The following USP47 variants were observed in gnomAD, a reference collection of about 807,000 sequenced individuals.
USP47 encodes ubiquitin carboxyl-terminal hydrolase 47.
A neutral mutation model predicts 165.1 loss-of-function variants in USP47; 35 were observed. The observed-to-expected ratio is 0.21, with a 90% CI of 0.16 to 0.28. The LOEUF (loss-of-function observed/expected upper bound fraction) is 0.28. Ranked by LOEUF, USP47 falls within the 10% of genes least tolerant of loss-of-function variation. The pLI is 1.00. For synonymous variants in USP47, 531 were observed against 544.5 expected, an observed-to-expected ratio of 0.98 and a Z score of 0.35; for missense variants, 1,277 against 1,607.4, an observed-to-expected ratio of 0.79 and a Z score of 3.52.
chr11:11,906,212 G>A (rs1390227668), intron 8 of USP47, among the ~76,000 whole-genome samples: 3 of 151,542 alleles, frequency 2.0e-5, no homozygotes, highest in Non-Finnish European at 4.4e-5. Context: ...TTACTTATAC[G>A]ACAGGAAAAT....
intron 3 of USP47, among the ~76,000 whole-genome samples, chr11:11,888,902 C>T (rs1004144645): frequency 8.5e-5 from 13 of 152,146 alleles, no homozygotes; most frequent in African/African-American, 3.1e-4. Context: ...TCAACATATG[C>T]GAATCAATAA....
intron 1 of USP47, among the ~76,000 whole-genome samples, chr11:11,876,951 C>T (rs1164570267): frequency 6.6e-6 from 1 of 152,070 alleles, no homozygotes; most frequent in Non-Finnish European, 1.5e-5. Flanking sequence ...TATCTTTAAT[C>T]CACCTCAAGA....
intron 15 of USP47, among the ~76,000 whole-genome samples, 187 bp downstream of exon 15, chr11:11,933,303 T>C (rs1854813662): frequency 6.6e-6 from 1 of 152,130 alleles, no homozygotes; most frequent in African/African-American, 2.4e-5. Flanking sequence ...CCCAGTAACA[T>C]GTAGTGACGG....
intron 1 of USP47, among the ~76,000 whole-genome samples, chr11:11,870,097 TTTAC>T (rs1009528638): frequency 6.6e-5 from 10 of 152,068 alleles, no homozygotes; most frequent in African/African-American, 2.4e-4. Context: ...TCTGTTATCT[TTTAC>T]TTGTTTTCCT....
Position 11,942,659 on chromosome 11 carries a change from A to C in USP47, c.2638A>C (p.Thr880Pro). The C allele has an allele frequency of 6.2e-7, 1 of 1,613,564 alleles. No homozygotes were observed. The highest frequency in any genetic ancestry group is 1.3e-5 in the African/African-American group (1 of 75,030). ...AGATAATGGGGACAGCAGCAAAAGT[A>C]CTGAGACAAGTGACTTTGAAAACAT... ...DGDNGDSSKS[T>P]ETSDFENIES... Residue 880 changes from threonine to proline, a missense_variant, in exon 20 of 28, where the codon ACT (threonine) becomes CCT (proline). By Grantham distance (38) the Thr-to-Pro change is conservative. Around this residue, in one of 4 missense-constraint regions of USP47, gnomAD observed 909 missense variants for 1,068.1 expected, o/e 0.85. Transcript: ENST00000527733.
chr11:11,853,080 A>G (rs1271423835), intron 1 of USP47, among the ~76,000 whole-genome samples: 4 of 151,908 alleles, frequency 2.6e-5, no homozygotes, highest in Non-Finnish European at 5.9e-5. Flanking sequence ...TTTGTCTTTT[A>G]GTGCCCAGAT....
At chr11:11,948,455 A>G (rs190684607) in intron 21 of USP47, 23 bp from the exon 22 acceptor site, 1 of 1,585,594 alleles carries the variant, frequency 6.3e-7, no homozygotes, top group Non-Finnish European at 8.7e-7. Flanking sequence ...CAGCATGTCT[A>G]AAAAAATGTT....
At position 11,841,989 on chromosome 11, in the gene USP47, TAGC is replaced by T; in HGVS notation, c.-196_-194del. On this transcript the variant is annotated 5_prime_UTR_variant, in exon 1 of 28. Transcript: ENST00000527733. ...GGGCCGACGACGAAGGCGGCTGTGG[TAGC>T]GGCGGCGGCGGCGGCGGAGCCCTGG... 2 of 543,398 alleles carry T rather than the reference TAGC, an allele frequency of 3.7e-6. No homozygotes were observed. Among genetic ancestry groups the T allele is most frequent in the African/African-American group, 4.0e-5 (2 of 50,046 alleles). The allele number at this position is 543,398 out of a possible 1,614,324, so 33.7% of individuals were successfully genotyped here. A position where few individuals can be genotyped will look rare whatever the true frequency, so the allele number is the denominator to read the frequency against.
chr11:11,948,257 GT>G (rs1349000601), intron 21 of USP47, 137 bp downstream of exon 21: 5 of 1,060,476 alleles, frequency 4.7e-6, no homozygotes, highest in South Asian at 1.8e-5. Flanking sequence ...AATTTGGGGG[GT>G]TTTTTGTTGT....
intron 11 of USP47, among the ~76,000 whole-genome samples, chr11:11,926,056 G>GTAT (rs1854219711): frequency 6.6e-6 from 1 of 152,102 alleles, no homozygotes; most frequent in African/African-American, 2.4e-5. Context: ...TAGTCATGAT[G>GTAT]TATAGTCCTT....
chr11:11,843,618 G>T (rs1420292039), intron 1 of USP47, among the ~76,000 whole-genome samples: 1 of 152,060 alleles, frequency 6.6e-6, no homozygotes, highest in African/African-American at 2.4e-5. Flanking sequence ...TCATATTGCT[G>T]GTTTTCATTT....
At chr11:11,940,649 G>A in intron 19 of USP47, 101 bp downstream of exon 19, 3 of 1,280,138 alleles carry the variant, frequency 2.3e-6, no homozygotes, top group Non-Finnish European at 1.1e-6. Context: ...TTCAACATCT[G>A]TCTGGAACTT....
At chr11:11,902,298 G>A (rs1223116111) in intron 5 of USP47, among the ~76,000 whole-genome samples, 1 of 152,100 alleles carries the variant, frequency 6.6e-6, no homozygotes, top group African/African-American at 2.4e-5. Flanking sequence ...AAAATAGAAA[G>A]AAAACTGATG....
intron 3 of USP47, among the ~76,000 whole-genome samples, chr11:11,889,368 G>A (rs537920211): frequency 1.3e-5 from 2 of 152,230 alleles, no homozygotes; most frequent in African/African-American, 4.8e-5. Context: ...CAAAGTCTCA[G>A]GATACAAATT....
At position 11,930,036 on chromosome 11, in the gene USP47, A is replaced by G. The variant is rs375255012; in HGVS notation, c.1519-8A>G. 1.5e-5 allele frequency: 24 copies of G among 1,612,354 alleles called. No individual in the cohort carries two copies. The South Asian group carries it at 1.8e-4, about 12-fold the overall frequency. On this transcript the variant is annotated splice_region_variant and splice_polypyrimidine_tract_variant and intron_variant, in intron 12 of 27. Coordinates refer to ENST00000527733, the MANE Select transcript of USP47 (RefSeq NM_001282659.2). Reference sequence around the variant, plus strand: ...ATTTGCAAAAAAAATCATGTAACACATTTTCAGATAACACAAGAGGACATT... The same window carrying G: ...ATTTGCAAAAAAAATCATGTAACACGTTTTCAGATAACACAAGAGGACATT...
In USP47 at chr11:11,958,383, TGATA is replaced by T. The variant is rs1342873305; in HGVS notation, c.*2211_*2214del. The T allele has an allele frequency of 2.6e-5, 4 of 152,248 alleles. No homozygotes were observed. The highest frequency in any genetic ancestry group is 9.6e-5 in the African/African-American group (4 of 41,460). 9.4% of individuals were successfully genotyped at this position (152,248 alleles called of 1,614,324 possible). ...TAAAAGCTTCTTGCTTTTCAGTGCC[TGATA>T]GAGTGAAAACACAAAGTTGCACTTT... On this transcript the variant is annotated 3_prime_UTR_variant, in exon 28 of 28. Coordinates refer to ENST00000527733, the MANE Select transcript of USP47 (RefSeq NM_001282659.2).
intron 5 of USP47, among the ~76,000 whole-genome samples, chr11:11,898,794 T>C (rs1424491608): frequency 1.3e-5 from 2 of 152,126 alleles, no homozygotes; most frequent in Non-Finnish European, 2.9e-5. Flanking sequence ...TTGGCCAGGT[T>C]GAGAAGAAAG....
chr11:11,904,142 C>T (rs1852397601), intron 7 of USP47, among the ~76,000 whole-genome samples: 1 of 152,046 alleles, frequency 6.6e-6, no homozygotes, highest in Non-Finnish European at 1.5e-5. Context: ...TTTTATAAAG[C>T]TCTTGTTACA....
chr11:11,957,449 G>T lies in USP47; in HGVS notation c.*1274G>T, dbSNP rs541001283. On this transcript the variant is annotated 3_prime_UTR_variant, in exon 28 of 28. Coordinates refer to ENST00000527733, the MANE Select transcript of USP47 (RefSeq NM_001282659.2). ...TATAAAAATCAATAAAAAAGGTTTT[G>T]GTAAAACTTTTTCATGCCAGATGCT... is the stretch of plus-strand genomic sequence containing the variant. The T allele has an allele frequency of 6.6e-6, 1 of 152,488 alleles. No individual in the cohort carries two copies. Among genetic ancestry groups the T allele is most frequent in the African/African-American group, 2.4e-5 (1 of 41,384 alleles). 9.4% of individuals were successfully genotyped at this position (152,488 alleles called of 1,614,324 possible). A position where few individuals can be genotyped will look rare whatever the true frequency, so the allele number is the denominator to read the frequency against.
Sources: allele counts gnomAD v4.1 joint callset (sites outside exome capture counted in the v4.1 genomes callset), GRCh38; gene constraint gnomAD v4.1.1; regional missense constraint gnomAD v4.1.1; transcripts MANE v1.5; gene names NCBI Gene and HGNC (gene_info 2026-07-23, HGNC 2026-07-21).